The following ANK2 variants were observed in gnomAD, a reference collection of about 807,000 sequenced individuals.
ANK2 encodes the protein ankyrin-2.
A neutral mutation model predicts 360.5 loss-of-function variants in ANK2; 83 were observed. That is an observed-to-expected ratio of 0.23 (90% CI 0.19 to 0.28). The LOEUF is 0.28. Ranked by LOEUF, ANK2 falls within the 10% of genes least tolerant of loss-of-function variation. ANK2 has a pLI of 1.00. For missense variants in ANK2, 4,201 were observed against 4,795.7 expected, an observed-to-expected ratio of 0.88 and a Z score of 3.66; for synonymous variants, 1,740 against 1,759.5, an observed-to-expected ratio of 0.99 and a Z score of 0.28.
intron 1 of ANK2, among the ~76,000 whole-genome samples, chr4:113,111,419 G>A (rs1482974787): frequency 1.3e-5 from 2 of 152,086 alleles, no homozygotes; most frequent in South Asian, 2.1e-4. Flanking sequence ...ATAAAGGCAC[G>A]ACATAAATGA....
intron 1 of ANK2, among the ~76,000 whole-genome samples, chr4:113,072,765 T>TTTTTTTTTTTTTG (rs142762570): frequency 8.3e-5 from 10 of 121,196 alleles, no homozygotes; most frequent in Non-Finnish European, 1.4e-4. Flanking sequence ...TTTTTTTTTT[T>TTTTTTTTTTTTTG]GCTGTCTTGT....
At chr4:112,895,563 T>G (rs761515744) in intron 1 of ANK2, among the ~76,000 whole-genome samples, 1 of 152,172 alleles carries the variant, frequency 6.6e-6, no homozygotes, top group Non-Finnish European at 1.5e-5. Context: ...TAGATTTTTT[T>G]TAATGCTCCA....
intron 2 of ANK2, among the ~76,000 whole-genome samples, chr4:113,028,240 T>C (rs1160889527): frequency 6.6e-6 from 1 of 152,078 alleles, no homozygotes; most frequent in African/African-American, 2.4e-5. Context: ...CAGAGGCTTC[T>C]CAGAGGTAAT....
At chr4:112,903,133 T>C (rs141848243) in intron 1 of ANK2, among the ~76,000 whole-genome samples, 260 of 152,310 alleles carry the variant, frequency 1.7e-3, no homozygotes, top group African/African-American at 6.0e-3. Context: ...GGAAGCCTTG[T>C]TAAAACATAT....
At chr4:113,336,309 A>C in intron 30 of ANK2, 1 of 579,644 alleles carries the variant, frequency 1.7e-6, no homozygotes, top group Non-Finnish European at 2.9e-6. Context: ...AAAAAAAAGA[A>C]ATTAGCTTTT....
chr4:113,125,688 A>G (rs1258350294), intron 1 of ANK2, among the ~76,000 whole-genome samples: 1 of 152,126 alleles, frequency 6.6e-6, no homozygotes, highest in Non-Finnish European at 1.5e-5. Context: ...TCCCTTTATT[A>G]TTATAAATGA....
intron 2 of ANK2, among the ~76,000 whole-genome samples, chr4:112,983,937 G>A (rs78042998): frequency 6.6e-6 from 1 of 152,116 alleles, no homozygotes; most frequent in Non-Finnish European, 1.5e-5. Flanking sequence ...TTAGATGTAT[G>A]AATTTAATGA....
At chr4:113,048,270 ATATATATTTTTTTTTTTTTTTT>A (rs2065336399), upstream of ANK2, among the ~76,000 whole-genome samples, 9 of 62,304 alleles carry the variant, frequency 1.4e-4, no homozygotes, top group Non-Finnish European at 2.2e-4. Context: ...ATATATATAT[ATATATATTTTTTTTTTTTTTTT>A]TTTTTTTTTT....
intron 10 of ANK2, among the ~76,000 whole-genome samples, chr4:113,254,678 C>T (rs1409973946): frequency 6.6e-6 from 1 of 152,170 alleles, no homozygotes; most frequent in Non-Finnish European, 1.5e-5. Flanking sequence ...ATATACTCTA[C>T]CACAATTAAG....
upstream of ANK2, among the ~76,000 whole-genome samples, chr4:112,815,971 A>T (rs1466036895): frequency 6.6e-6 from 1 of 152,216 alleles, no homozygotes; most frequent in Admixed American, 6.5e-5. Context: ...GTGAGCTATT[A>T]TAACAAATTA....
At chr4:112,776,697 C>T in the ANK2 span, among the ~76,000 whole-genome samples, 1 of 152,186 alleles carries the variant, frequency 6.6e-6, no homozygotes. Context: ...GAGTTTTCAT[C>T]ACATTGTAAT....
intron 27 of ANK2, among the ~76,000 whole-genome samples, chr4:113,330,781 G>A (rs1037331523): frequency 2.0e-5 from 3 of 152,162 alleles, no homozygotes; most frequent in Non-Finnish European, 4.4e-5. Flanking sequence ...TTTCTCATCT[G>A]AGAATTAAGT....
intron 1 of ANK2, among the ~76,000 whole-genome samples, chr4:112,900,867 G>T (rs944956565): frequency 3.3e-5 from 5 of 152,114 alleles, no homozygotes; most frequent in African/African-American, 1.2e-4. Flanking sequence ...TAAGACCAAG[G>T]CTTTATGAAG....
At position 113,237,036 on chromosome 4, in the gene ANK2, C is replaced by T. The variant is rs901601971; in HGVS notation, c.533C>T (p.Ala178Val). 17 of 1,614,036 alleles carry T rather than the reference C, an allele frequency of 1.1e-5. No homozygotes were observed. Among genetic ancestry groups the T allele is most frequent in the East Asian group, 2.2e-5 (1 of 44,890 alleles). Reference sequence around the variant, plus strand: ...GCACTCCAGCAAGGACACAACCAGGCGGTGGCCATCCTCTTGGAGAATGAC... The same window carrying T: ...GCACTCCAGCAAGGACACAACCAGGTGGTGGCCATCCTCTTGGAGAATGAC... ...AVALQQGHNQ[A>V]VAILLENDTK... is the part of the protein sequence containing the mutation. Residue 178 changes from alanine (A) to valine (V), a missense_variant, in exon 6 of 46, where the codon GCG becomes GTG. Ala to Val is a moderately conservative substitution (Grantham distance 64, BLOSUM62 0). Transcript: ENST00000357077.
chr4:112,853,318 C>T lies in ANK2; in HGVS notation c.-40+35054C>T, dbSNP rs571435369. Reference sequence around the variant, plus strand: ...TCCTGACCTCTTGATCCGCCCACCTCGGCCTCCCAAAGTGCTGGGATTGCA... The same window carrying T: ...TCCTGACCTCTTGATCCGCCCACCTTGGCCTCCCAAAGTGCTGGGATTGCA... On this transcript the variant is annotated intron_variant, in intron 1 of 30. Coordinates refer to the ANK2 transcript ENST00000503271. Among the ~76,000 whole-genome samples the T allele has an allele frequency of 1.4e-4, 21 of 152,190 alleles. No homozygotes were observed. The East Asian group carries it at 2.7e-3, about 20-fold the overall frequency.
At chr4:112,795,387 A>G in the ANK2 span, among the ~76,000 whole-genome samples, 1 of 152,224 alleles carries the variant, frequency 6.6e-6, no homozygotes, top group Non-Finnish European at 1.5e-5. Context: ...ACAGAGTCTC[A>G]GTGCTCAGGT....
intron 22 of ANK2, among the ~76,000 whole-genome samples, chr4:113,296,522 C>A (rs2071537794): frequency 1.3e-5 from 2 of 152,224 alleles, no homozygotes; most frequent in African/African-American, 4.8e-5. Context: ...CTTTTGAGTT[C>A]TTTACCCCAA....
intron 1 of ANK2, among the ~76,000 whole-genome samples, chr4:113,143,591 C>T (rs1393732883): frequency 6.6e-6 from 1 of 152,018 alleles, no homozygotes; most frequent in East Asian, 1.9e-4. Context: ...CAAAAGTGTG[C>T]GTGGGGGAGT....
intron 1 of ANK2, among the ~76,000 whole-genome samples, chr4:113,086,950 A>G (rs2085122105): frequency 6.6e-6 from 1 of 152,186 alleles, no homozygotes; most frequent in Non-Finnish European, 1.5e-5. Context: ...AGCAGAGACC[A>G]CCTGATAAGT....
Sources: allele counts gnomAD v4.1 joint callset (sites outside exome capture counted in the v4.1 genomes callset), GRCh38; gene constraint gnomAD v4.1.1; transcripts MANE v1.5; gene names NCBI Gene and HGNC (gene_info 2026-07-23, HGNC 2026-07-21).